The following GUF1 variants were observed in gnomAD, a reference collection of about 807,000 sequenced individuals.
GUF1 encodes the protein translation factor GUF1, mitochondrial.
Under a neutral mutation model 82.4 loss-of-function variants are expected in GUF1, and 78 were observed. The observed-to-expected ratio is 0.95, with a 90% CI of 0.79 to 1.14. GUF1 has a LOEUF of 1.14. Among genes scored for constraint, GUF1 ranks in the 50% most tolerant of loss-of-function variants. GUF1 has a pLI of 0.00. For synonymous variants in GUF1, 279 were observed against 282.3 expected (o/e 0.99, Z 0.12); for missense variants, 814 against 798.2 (o/e 1.02, Z -0.24).
At chr4:44,682,242 T>C (rs1714811597) in intron 4 of GUF1, 92 bp from the exon 5 acceptor site, 1 of 582,472 alleles carries the variant, frequency 1.7e-6, no homozygotes, top group East Asian at 3.1e-5. Context: ...GCAAAATCTC[T>C]TGATGAAGAT....
In GUF1 at chr4:44,695,665, C is replaced by G; in HGVS notation, c.1766C>G (p.Ser589Cys). The G allele has an allele frequency of 6.2e-7, 1 of 1,613,450 alleles. No homozygotes were observed. The highest frequency in any genetic ancestry group is 8.5e-7 in the Non-Finnish European group (1 of 1,179,564). ...GKAICERLKD[S>C]LPRQLFEIAI... is the part of the protein sequence containing the mutation. Reference sequence around the variant, plus strand: ...GCCATATGTGAACGGCTGAAGGATTCTCTTCCTAGGCAACTGTTTGAGATA... The same window carrying G: ...GCCATATGTGAACGGCTGAAGGATTGTCTTCCTAGGCAACTGTTTGAGATA... The change falls in exon 15 of 17, where the codon TCT becomes TGT. Residue 589 changes from serine to cysteine, a missense_variant. By Grantham distance (112) the Ser-to-Cys change is moderately radical. Transcript: ENST00000281543.
chr4:44,690,484 G>T (rs1715361941), intron 11 of GUF1, among the ~76,000 whole-genome samples: 3 of 151,632 alleles, frequency 2.0e-5, no homozygotes. Flanking sequence ...TAACTTATTA[G>T]ACTATAATGT....
At chr4:44,694,635 C>A in intron 14 of GUF1, 122 bp downstream of exon 14, 1 of 622,520 alleles carries the variant, frequency 1.6e-6, no homozygotes, top group Non-Finnish European at 2.8e-6. Context: ...GTTCACCCTA[C>A]TAACTTTGCT....
Position 44,688,023 on chromosome 4 carries a change from GGC to G in GUF1, c.956_957del (p.Gly319ValfsTer11). ...TTTATTTAGATATGCAGGACAGGTG[GGC>G]TATCTGATTGCTGGGATGAAAGATG... is the stretch of plus-strand genomic sequence containing the variant. ...PTHKLYAGQV[G>X]YLIAGMKDVT... is the part of the protein sequence containing the mutation. On this transcript the variant is annotated frameshift_variant, in exon 9 of 17. Transcript: ENST00000281543. LOFTEE classifies it high-confidence loss of function. The G allele has an allele frequency of 6.2e-7, 1 of 1,611,768 alleles. No homozygotes were observed. The highest frequency in any genetic ancestry group is 8.5e-7 in the Non-Finnish European group (1 of 1,178,380).
intron 13 of GUF1, among the ~76,000 whole-genome samples, chr4:44,693,514 A>G (rs1431579558): frequency 6.7e-6 from 1 of 148,238 alleles, no homozygotes; most frequent in Non-Finnish European, 1.5e-5. Flanking sequence ...GAAGAAAGAA[A>G]GGATTTTAAC....
Position 44,692,564 on chromosome 4 carries a change from G to A in GUF1, c.1613+765G>A, listed in dbSNP as rs530508538. 2.0e-5 allele frequency among the ~76,000 whole-genome samples: 3 copies of A among 152,034 alleles called. No homozygotes were observed. In the South Asian group the frequency reaches 6.2e-4, roughly 31 times the overall value. On this transcript the variant is annotated intron_variant, in intron 13 of 16. Transcript: ENST00000281543. The stretch of plus-strand genomic sequence containing the variant: ...TTGACATCTATAAAACTCCCACACA[G>A]TGCATGAATGTTAATGTTAACATGC...
intron 10 of GUF1, 42 bp from the exon 11 acceptor site, chr4:44,689,801 A>C (rs1400841841): frequency 2.0e-6 from 3 of 1,519,432 alleles, no homozygotes; most frequent in Admixed American, 4.0e-5. Context: ...AATGAAGCCC[A>C]TGGGACATAA....
intron 4 of GUF1, 187 bp from the exon 5 acceptor site, chr4:44,682,147 A>G: frequency 2.6e-6 from 1 of 379,580 alleles, no homozygotes; most frequent in Non-Finnish European, 4.8e-6. Context: ...AGCGATTTTC[A>G]TATTGACCCC....
chr4:44,696,226 C>A (rs1715817275), intron 15 of GUF1, among the ~76,000 whole-genome samples: 1 of 151,870 alleles, frequency 6.6e-6, no homozygotes. Context: ...AGATTAGGGA[C>A]CTCACATGAA....
At chr4:44,686,771 T>G in intron 8 of GUF1, 58 bp downstream of exon 8, 1 of 1,188,032 alleles carries the variant, frequency 8.4e-7, no homozygotes, top group Non-Finnish European at 1.2e-6. Context: ...TATTTCTGCA[T>G]TTTTCTCAAC....
chr4:44,691,054 T>C (rs1715409761), intron 12 of GUF1, among the ~76,000 whole-genome samples, 194 bp downstream of exon 12: 1 of 151,696 alleles, frequency 6.6e-6, no homozygotes, highest in Non-Finnish European at 1.5e-5. Context: ...ATAAAAATAT[T>C]TCTGATAATT....
chr4:44,700,918 T>A lies in GUF1; in HGVS notation c.*2237T>A, dbSNP rs1716200639. 1 of 152,190 alleles carries A rather than the reference T, an allele frequency of 6.6e-6. No homozygotes were observed. The highest frequency in any genetic ancestry group is 2.1e-4 in the South Asian group (1 of 4,832). 9.4% of individuals were successfully genotyped at this position (152,190 alleles called of 1,614,324 possible). On this transcript the variant is annotated 3_prime_UTR_variant, in exon 17 of 17. Transcript: ENST00000281543. The stretch of plus-strand genomic sequence containing the variant: ...AATGACAGTATTTGAAATTAAAAAA[T>A]TGTAAAAGTGTTCTGTTCTATCACT...
rs1213858242 is a variant in GUF1, at chr4:44,680,522, A to G, written c.247A>G (p.Thr83Ala). 3.1e-6 allele frequency: 5 copies of G among 1,608,470 alleles called. No individual in the cohort carries two copies. Among genetic ancestry groups the G allele is most frequent in the Non-Finnish European group, 4.2e-6 (5 of 1,176,530 alleles). Residue 83 changes from threonine (T) to alanine (A), a missense_variant, in exon 2 of 17, where the codon ACT (threonine) becomes GCT (alanine). Transcript: ENST00000281543. ...IVAHVDHGKS[T>A]LADRLLELTG... is the part of the protein sequence containing the mutation. ...TGCACACGTGGATCATGGCAAAAGT[A>G]CTTTAGCTGACAGGCTCCTAGAACT...
chr4:44,697,485 T>C (rs1211669891), intron 16 of GUF1, 41 bp downstream of exon 16: 3 of 1,141,562 alleles, frequency 2.6e-6, no homozygotes, highest in Non-Finnish European at 2.6e-6. Context: ...ATAACTTTTA[T>C]GGGCTTTAAA....
intron 12 of GUF1, 128 bp from the exon 13 acceptor site, chr4:44,691,538 A>G (rs1715442468): frequency 3.0e-6 from 2 of 659,958 alleles, no homozygotes; most frequent in Non-Finnish European, 5.1e-6. Flanking sequence ...TGCAATTGAA[A>G]TATAAAATGT....
At position 44,690,761 on chromosome 4, in the gene GUF1, C is replaced by A. The variant is rs1715386758; in HGVS notation, c.1380C>A (p.Phe460Leu). 1 of 1,595,230 alleles carries A rather than the reference C, an allele frequency of 6.3e-7. No homozygotes were observed. Residue 460 changes from phenylalanine to leucine, a missense_variant, in exon 12 of 17, where the codon TTC becomes TTA. Physicochemically the swap from Phe to Leu is conservative, Grantham distance 22 (BLOSUM62 0). Transcript: ENST00000281543. ...KEITIINPAQ[F>L]PDKSKVTEYL... ...TTACAATTATCAATCCTGCACAATT[C>A]CCCGATAAATCAAAAGTAACAGAAT... is the stretch of plus-strand genomic sequence containing the variant.
chr4:44,689,871 G>C lies in GUF1; in HGVS notation c.1231G>C (p.Glu411Gln), dbSNP rs891757435. 1.2e-6 allele frequency: 2 copies of C among 1,604,502 alleles called. No homozygotes were observed. Among genetic ancestry groups the C allele is most frequent in the African/African-American group, 2.7e-5 (2 of 74,526 alleles). ...RLGFLGLLHM[E>Q]VFNQRLEQEY... is the part of the protein sequence containing the mutation. ...AGGATTTCTTGGACTTTTGCACATG[G>C]AAGTTTTCAACCAGCGACTGGAGCA... Residue 411 changes from glutamate (E) to glutamine (Q), a missense_variant, in exon 11 of 17, where the codon GAA (glutamate) becomes CAA (glutamine). By Grantham distance (29) the Glu-to-Gln change is conservative (BLOSUM62 2). Coordinates refer to ENST00000281543, the MANE Select transcript of GUF1 (RefSeq NM_021927.3).
At chr4:44,683,750 T>C (rs113522435) in intron 6 of GUF1, among the ~76,000 whole-genome samples, 2 of 152,096 alleles carry the variant, frequency 1.3e-5, no homozygotes, top group East Asian at 3.8e-4. Flanking sequence ...AAAAAGCTAG[T>C]TGTAGTGCTA....
At chr4:44,681,745 C>CT (rs143890509) in intron 4 of GUF1, among the ~76,000 whole-genome samples, 2,590 of 152,016 alleles carry the variant, frequency 0.017, 75 homozygotes, top group African/African-American at 0.056. Context: ...CAAAACCCAA[C>CT]TTTTTTTTAG....
Sources: gnomAD v4.1 joint callset for allele counts (sites outside exome capture counted in the v4.1 genomes callset) on GRCh38, gnomAD v4.1.1 for gene constraint, MANE v1.5 for transcripts, NCBI Gene and HGNC (gene_info 2026-07-23, HGNC 2026-07-21) for gene names.